NDUFAF6: variants seen among roughly 807,000 people sequenced by gnomAD.
NDUFAF6 encodes the protein NADH:ubiquinone oxidoreductase complex assembly factor 6, also known as NADH dehydrogenase (ubiquinone) complex I, assembly factor 6.
In NDUFAF6, 45 loss-of-function variants were observed where a neutral mutation model predicts 40.8. The observed-to-expected ratio is 1.10, with a 90% CI of 0.87 to 1.42. The LOEUF is 1.42. Among genes scored for constraint, NDUFAF6 ranks in the 40% most tolerant of loss-of-function variants. The pLI, the probability that NDUFAF6 is intolerant of heterozygous loss-of-function variation, is 0.00. For missense variants in NDUFAF6, 435 were observed against 418.5 expected, an observed-to-expected ratio of 1.04 and a Z score of -0.34; for synonymous variants, 185 against 155.9, an observed-to-expected ratio of 1.19 and a Z score of -1.39.
intron 2 of NDUFAF6, among the ~76,000 whole-genome samples, chr8:94,990,952 T>C (rs1022426353): frequency 2.6e-5 from 4 of 152,234 alleles, no homozygotes; most frequent in African/African-American, 7.2e-5. Flanking sequence ...AGAAGCCTTA[T>C]TCGCGAAGGG....
intron 8 of NDUFAF6, among the ~76,000 whole-genome samples, chr8:95,052,744 G>A (rs1831588878): frequency 6.6e-6 from 1 of 152,054 alleles, no homozygotes; most frequent in African/African-American, 2.4e-5. Context: ...ATAGATTCCT[G>A]GAGTCTTCTT....
chr8:95,073,117 C>G (rs1465197548), intron 9 of NDUFAF6: 1 of 152,708 alleles, frequency 6.5e-6, no homozygotes, highest in Non-Finnish European at 1.5e-5. Flanking sequence ...GGAATAGACG[C>G]GCTGAGGGCT....
intron 2 of NDUFAF6, among the ~76,000 whole-genome samples, chr8:95,034,441 G>A (rs1829238483): frequency 6.6e-6 from 1 of 151,976 alleles, no homozygotes; most frequent in Non-Finnish European, 1.5e-5. Flanking sequence ...TCCCCCTTCT[G>A]TATGGGATCT....
intron 1 of NDUFAF6, among the ~76,000 whole-genome samples, chr8:94,904,355 T>G (rs1335888091): frequency 1.6e-5 from 2 of 122,822 alleles, no homozygotes; most frequent in Admixed American, 8.3e-5. Flanking sequence ...TTTTTTTTTT[T>G]TTAGTAAAGA....
intron 2 of NDUFAF6, chr8:94,983,945 C>T (rs1045211738): frequency 2.6e-5 from 4 of 152,176 alleles, no homozygotes; most frequent in Non-Finnish European, 5.9e-5. Context: ...GGTTTCCACT[C>T]ATGAGCCTCT....
At chr8:94,971,493 A>G (rs1239272571) in intron 1 of NDUFAF6, among the ~76,000 whole-genome samples, 1 of 151,600 alleles carries the variant, frequency 6.6e-6, no homozygotes, top group African/African-American at 2.4e-5. Context: ...CTTGAGCCCC[A>G]CTCTTTGGCA....
chr8:95,046,454 T>G (rs1830780291), intron 5 of NDUFAF6, among the ~76,000 whole-genome samples: 1 of 152,240 alleles, frequency 6.6e-6, no homozygotes, highest in Non-Finnish European at 1.5e-5. Flanking sequence ...TAGTGAGGTC[T>G]TATTGAAATA....
chr8:94,902,187 G>A (rs1050255555), intron 1 of NDUFAF6, among the ~76,000 whole-genome samples: 1 of 152,154 alleles, frequency 6.6e-6, no homozygotes, highest in African/African-American at 2.4e-5. Flanking sequence ...GAGAGGCCAA[G>A]GCAGGTGGAT....
At chr8:95,049,252 A>T (rs1020895435) in intron 7 of NDUFAF6, among the ~76,000 whole-genome samples, 1 of 152,000 alleles carries the variant, frequency 6.6e-6, no homozygotes, top group Non-Finnish European at 1.5e-5. Flanking sequence ...TCTCTGTGTC[A>T]CTTTCTGATT....
intron 7 of NDUFAF6, 139 bp from the exon 8 acceptor site, chr8:95,052,035 C>T (rs1310945483): frequency 6.4e-6 from 5 of 784,622 alleles, no homozygotes; most frequent in Non-Finnish European, 8.8e-6. Flanking sequence ...GGAAACTAAT[C>T]TTAATCTGCA....
chr8:94,988,845 C>T (rs567127002), intron 2 of NDUFAF6: 1 of 152,280 alleles, frequency 6.6e-6, no homozygotes, highest in Non-Finnish European at 1.5e-5. Context: ...GAATCTTGTT[C>T]AGCTGTGAGA....
At chr8:95,012,667 T>TAAATAAATAAATAAATAAATAAACAAAC (rs753278652) in intron 2 of NDUFAF6, among the ~76,000 whole-genome samples, 1 of 150,434 alleles carries the variant, frequency 6.6e-6, no homozygotes, top group Non-Finnish European at 1.5e-5. Flanking sequence ...AATAAATAAA[T>TAAATAAATAAATAAATAAATAAACAAAC]AAACAAATAA....
intron 2 of NDUFAF6, among the ~76,000 whole-genome samples, chr8:95,032,936 C>T (rs1218515711): frequency 6.6e-6 from 1 of 152,126 alleles, no homozygotes; most frequent in East Asian, 1.9e-4. Context: ...TGATTTTTCA[C>T]CTCATCCTTT....
chr8:95,106,412 G>C (rs1809845442), downstream of NDUFAF6, among the ~76,000 whole-genome samples: 1 of 152,144 alleles, frequency 6.6e-6, no homozygotes. Context: ...ATGGTGTTGG[G>C]AAAACTGGCT....
At chr8:94,988,491 C>A (rs1209192012) in intron 2 of NDUFAF6, 1 of 152,044 alleles carries the variant, frequency 6.6e-6, no homozygotes, top group Non-Finnish European at 1.5e-5. Context: ...TAATTGAATT[C>A]ATTTTCTCTC....
intron 1 of NDUFAF6, among the ~76,000 whole-genome samples, chr8:94,967,678 C>T (rs1293929187): frequency 1.3e-5 from 2 of 151,998 alleles, no homozygotes; most frequent in East Asian, 3.9e-4. Flanking sequence ...CGGTGGCTCA[C>T]GTCTGTAATC....
intron 1 of NDUFAF6, among the ~76,000 whole-genome samples, chr8:94,902,693 C>CTT (rs35185664): frequency 0.1 from 12,158 of 121,484 alleles, 1,134 homozygotes; most frequent in Non-Finnish European, 0.15. Context: ...TGTGGACATA[C>CTT]TTTTTTTTTT....
chr8:95,081,228 G>A (rs1808857775), intron 2 of NDUFAF6, among the ~76,000 whole-genome samples: 1 of 126,508 alleles, frequency 7.9e-6, no homozygotes, highest in Non-Finnish European at 1.6e-5. Context: ...GCAGTGGTGC[G>A]ATCTCAGCTC....
chr8:94,948,572 A>G (rs1563738481), intron 2 of NDUFAF6, among the ~76,000 whole-genome samples: 1 of 152,124 alleles, frequency 6.6e-6, no homozygotes, highest in Non-Finnish European at 1.5e-5. Flanking sequence ...GGTTCCCCAT[A>G]GCCGCAGGGC....
Sources: gnomAD v4.1 joint callset for allele counts (sites outside exome capture counted in the v4.1 genomes callset) on GRCh38, gnomAD v4.1.1 for gene constraint, MANE v1.5 for transcripts, NCBI Gene and HGNC (gene_info 2026-07-23, HGNC 2026-07-21) for gene names.